Variants in ESR2 observed in about 807,000 individuals in gnomAD.
The protein encoded by ESR2 is estrogen receptor 2.
A neutral mutation model predicts 49.6 loss-of-function variants in ESR2; 36 were observed. The observed-to-expected ratio is 0.73, with a 90% CI of 0.56 to 0.96. The LOEUF is 0.96. ESR2 is among the 40% of genes least tolerant of loss of function. The probability of loss-of-function intolerance (pLI) is 0.00; values close to 1 mark genes in which losing one functional copy is unlikely to be tolerated. For synonymous variants in ESR2, 320 were observed against 266.1 expected, an observed-to-expected ratio of 1.20 and a Z score of -1.97; for missense variants, 714 against 693.0, an observed-to-expected ratio of 1.03 and a Z score of -0.34.
At chr14:64,227,859 T>G (rs531237514), downstream of ESR2, 2 of 1,594,480 alleles carry the variant, frequency 1.3e-6, no homozygotes, top group Non-Finnish European at 8.5e-7. Context: ...ATTGCCCACA[T>G]GCAAGGGACA....
intron 1 of ESR2, among the ~76,000 whole-genome samples, chr14:64,317,408 A>G (rs1033301032): frequency 2.0e-5 from 3 of 152,202 alleles, no homozygotes; most frequent in Non-Finnish European, 4.4e-5. Flanking sequence ...GAAGCTCACA[A>G]TCATGGCAGA....
chr14:64,234,681 G>T, intron 8 of ESR2: 1 of 560,634 alleles, frequency 1.8e-6, no homozygotes, highest in Non-Finnish European at 3.0e-6. Flanking sequence ...GTTAGGGGAG[G>T]AACTGCCCCT....
At chr14:64,245,637 A>G (rs1952585) in intron 7 of ESR2, among the ~76,000 whole-genome samples, 33,473 of 151,856 alleles carry the variant, frequency 0.22, 6,439 homozygotes, top group African/African-American at 0.52. Context: ...AATTATCTCA[A>G]TGTGGCAGTT....
At chr14:64,327,673 C>T (rs1017371034) in intron 1 of ESR2, among the ~76,000 whole-genome samples, 6 of 151,616 alleles carry the variant, frequency 4.0e-5, no homozygotes, top group Admixed American at 3.3e-4. Context: ...CCAGCCTGGG[C>T]GACAGAGCAA....
chr14:64,292,639 C>T (rs971256747), intron 1 of ESR2, among the ~76,000 whole-genome samples: 1 of 152,032 alleles, frequency 6.6e-6, no homozygotes, highest in African/African-American at 2.4e-5. Flanking sequence ...ATATTTTATC[C>T]ATATTTATAT....
At chr14:64,254,841 A>AG (rs11444056) in intron 6 of ESR2, among the ~76,000 whole-genome samples, 3 of 151,492 alleles carry the variant, frequency 2.0e-5, no homozygotes, top group African/African-American at 4.9e-5. Context: ...AAAAAAAAAA[A>AG]TGCCTGCTCA....
At chr14:64,335,668 G>A (rs1233282257) in intron 1 of ESR2, among the ~76,000 whole-genome samples, 5 of 152,070 alleles carry the variant, frequency 3.3e-5, no homozygotes, top group Non-Finnish European at 7.3e-5. Context: ...TGAAAGTTCA[G>A]GGGACACAAT....
In ESR2 at chr14:64,285,095, C is replaced by T. The variant is rs189133078; in HGVS notation, c.-90-2020G>A. 1.5e-4 allele frequency among the ~76,000 whole-genome samples: 22 copies of T among 151,448 alleles called. No individual in the cohort carries two copies. In the Middle Eastern group the frequency reaches 0.01, roughly 70 times the overall value. The stretch of plus-strand genomic sequence containing the variant: ...TGAAATCCTGACCTTGTGATTTGCC[C>T]GCCTCGGCCTCCCAAAGTGCTGGGA... On this transcript the variant is annotated intron_variant, in intron 1 of 8. Transcript: ENST00000341099.
At position 64,277,831 on chromosome 14, in the gene ESR2, C is replaced by A. The variant is rs77462651; in HGVS notation, c.535+2150G>T. On this transcript the variant is annotated intron_variant, in intron 3 of 8. Transcript: ENST00000341099. The stretch of plus-strand genomic sequence containing the variant: ...AACAGCTTTAACTCTTTCCTCTTTG[C>A]ACATTTAGAATTTGACATTCCTGTC... Among the ~76,000 whole-genome samples, 1,201 of 152,080 alleles carry A rather than the reference C, an allele frequency of 7.9e-3. 6 individuals carry two copies. Among genetic ancestry groups the A allele is most frequent in the Non-Finnish European group, 0.012 (826 of 67,984 alleles).
At chr14:64,248,753 T>C (rs750297414) in intron 7 of ESR2, among the ~76,000 whole-genome samples, 1 of 152,172 alleles carries the variant, frequency 6.6e-6, no homozygotes, top group Non-Finnish European at 1.5e-5. Flanking sequence ...TCAAGTCCTT[T>C]GCTCCCTGAC....
intron 4 of ESR2, among the ~76,000 whole-genome samples, chr14:64,261,610 A>AT (rs1050546189): frequency 6.6e-6 from 1 of 151,378 alleles, no homozygotes; most frequent in African/African-American, 2.4e-5. Flanking sequence ...TAGAGATGTG[A>AT]TTTCACCATG....
At chr14:64,248,039 C>T (rs1403212071) in intron 7 of ESR2, among the ~76,000 whole-genome samples, 1 of 152,076 alleles carries the variant, frequency 6.6e-6, no homozygotes, top group African/African-American at 2.4e-5. Context: ...ACAAAAAATA[C>T]AAAAATTATT....
At chr14:64,279,947 G>A (rs1470287198) in intron 3 of ESR2, 34 bp downstream of exon 3, 4 of 1,576,052 alleles carry the variant, frequency 2.5e-6, no homozygotes, top group Non-Finnish European at 3.5e-6. Flanking sequence ...TCAAAAGTAG[G>A]AAACTAAAGA....
intron 4 of ESR2, among the ~76,000 whole-genome samples, chr14:64,263,395 G>A (rs2076259466): frequency 1.3e-5 from 2 of 152,164 alleles, no homozygotes; most frequent in Non-Finnish European, 1.5e-5. Flanking sequence ...GCTGGCTCAT[G>A]CCTGTAATCC....
At chr14:64,227,492 T>G (rs2140571333), downstream of ESR2, 1 of 1,605,318 alleles carries the variant, frequency 6.2e-7, no homozygotes, top group East Asian at 2.2e-5. Flanking sequence ...GTGAAAATGT[T>G]ACCCAAGATT....
chr14:64,261,433 T>C (rs1480889991), intron 4 of ESR2, among the ~76,000 whole-genome samples: 1 of 149,588 alleles, frequency 6.7e-6, no homozygotes, highest in Non-Finnish European at 1.5e-5. Flanking sequence ...TTTATTTATT[T>C]TTGAGACGGA....
chr14:64,260,054 G>C (rs1207579015), intron 5 of ESR2: 2 of 457,276 alleles, frequency 4.4e-6, no homozygotes, highest in Non-Finnish European at 8.8e-6. Flanking sequence ...CCACCTCTAG[G>C]CATGAGAGGT....
chr14:64,239,538 T>C (rs755386652), intron 7 of ESR2, among the ~76,000 whole-genome samples: 5 of 152,246 alleles, frequency 3.3e-5, no homozygotes, highest in Non-Finnish European at 5.9e-5. Context: ...ATCAATGTAA[T>C]TAATTACACT....
rs2098724869 is a variant in ESR2, at chr14:64,229,059, T to C, written c.*4078A>G. ...TATTCCACGTGTTTGGGGAAAGCAG[T>C]CACAGACAGGAGGTGATCACAGTAC... On this transcript the variant is annotated 3_prime_UTR_variant, in exon 9 of 9. Transcript: ENST00000341099. Among the ~76,000 whole-genome samples the C allele has an allele frequency of 6.6e-6, 1 of 152,124 alleles. No homozygotes were observed. Among genetic ancestry groups the C allele is most frequent in the Non-Finnish European group, 1.5e-5 (1 of 68,024 alleles).
Sources: gnomAD v4.1 joint callset for allele counts (sites outside exome capture counted in the v4.1 genomes callset) on GRCh38, gnomAD v4.1.1 for gene constraint, MANE v1.5 for transcripts, NCBI Gene and HGNC (gene_info 2026-07-23, HGNC 2026-07-21) for gene names.